Variants in STRBP observed in about 807,000 individuals in gnomAD.
STRBP encodes spermatid perinuclear RNA binding protein, also known as spermatid perinuclear RNA-binding protein.
A neutral mutation model predicts 80.1 loss-of-function variants in STRBP; 13 were observed. That is an observed-to-expected ratio of 0.16 (90% confidence interval 0.11 to 0.26). STRBP has a LOEUF of 0.26. STRBP is among the 10% of genes least tolerant of loss of function. The pLI is 1.00. For synonymous variants in STRBP, 284 were observed against 291.2 expected, an observed-to-expected ratio of 0.98 and a Z score of 0.25; for missense variants, 485 against 815.2, an observed-to-expected ratio of 0.59 and a Z score of 4.93.
chr9:123,237,221 T>C (rs2040587852), intron 1 of STRBP, among the ~76,000 whole-genome samples: 1 of 152,220 alleles, frequency 6.6e-6, no homozygotes, highest in South Asian at 2.1e-4. Flanking sequence ...ACATTCCTAC[T>C]GAAATCTACA....
rs750068288 is a variant in STRBP at position 123,158,045 on chromosome 9, GA to G, written c.1011del (p.Gln338ArgfsTer18). On this transcript the variant is annotated frameshift_variant, in exon 11 of 19. Transcript: ENST00000348403. LOFTEE classifies it high-confidence loss of function. Reference sequence around the variant, plus strand: ...TCAGTAACTGACCAGGAATACTTCTGAAAAGGCTTACTAGATGGAAGGGGGT... The same window carrying G: ...TCAGTAACTGACCAGGAATACTTCTGAAAGGCTTACTAGATGGAAGGGGGT... ...EMDPLPSSKP[F>X]QKYSWSVTDK... 1 of 1,609,944 alleles carries G rather than the reference GA, an allele frequency of 6.2e-7. No homozygotes were observed. Among genetic ancestry groups the G allele is most frequent in the Non-Finnish European group, 8.5e-7 (1 of 1,178,746 alleles).
At chr9:123,140,366 G>A (rs1369604944) in intron 13 of STRBP, among the ~76,000 whole-genome samples, 3 of 152,164 alleles carry the variant, frequency 2.0e-5, no homozygotes, top group South Asian at 2.1e-4. Flanking sequence ...AAGCCAAGGC[G>A]GGTGGATCAT....
At position 123,173,703 on chromosome 9, in the gene STRBP, T is replaced by C. The variant is rs548084414; in HGVS notation, c.364A>G (p.Lys122Glu). 1.2e-6 allele frequency: 2 copies of C among 1,613,108 alleles called. No homozygotes were observed. Among genetic ancestry groups the C allele is most frequent in the Non-Finnish European group, 1.7e-6 (2 of 1,179,696 alleles). Reference protein sequence around the residue: ...KPTETLLNTVKDNLPIQIQKL... With the variant: ...KPTETLLNTVEDNLPIQIQKL... ...TGAATCTGAATAGGAAGATTATCTT[T>C]GACTGTATTTAACAGGGTCTCTGTG... The change falls in exon 5 of 19, where the codon AAA becomes GAA. Residue 122 changes from lysine to glutamate, a missense_variant. Lys to Glu is a moderately conservative substitution (Grantham distance 56). Transcript: ENST00000348403.
chr9:123,113,567 C>G (rs150178956), intron 3 of STRBP: 1 of 167,388 alleles, frequency 6.0e-6, no homozygotes, highest in South Asian at 2.1e-4. Flanking sequence ...TTCCAATGTC[C>G]CACGTGTCAC....
At chr9:123,179,275 C>A in intron 3 of STRBP, 48 bp from the exon 4 acceptor site, 1 of 1,502,338 alleles carries the variant, frequency 6.7e-7, no homozygotes, top group South Asian at 1.2e-5. Flanking sequence ...AGAAACATCA[C>A]CTGAAAAAGA....
intron 2 of STRBP, among the ~76,000 whole-genome samples, chr9:123,200,986 T>G (rs1351125842): frequency 6.6e-6 from 1 of 151,998 alleles, no homozygotes. Flanking sequence ...TCCAGGAATT[T>G]GACCATTTCC....
chr9:123,133,948 CTT>C (rs773543673), intron 16 of STRBP, among the ~76,000 whole-genome samples: 2 of 152,130 alleles, frequency 1.3e-5, no homozygotes, highest in East Asian at 1.9e-4. Flanking sequence ...ATGATACCCA[CTT>C]TGTTTTCCTT....
intron 13 of STRBP, among the ~76,000 whole-genome samples, chr9:123,146,629 A>C (rs1239906834): frequency 6.6e-6 from 1 of 150,942 alleles, no homozygotes; most frequent in East Asian, 1.9e-4. Flanking sequence ...TTCAATTGAC[A>C]TATTTTAATT....
intron 2 of STRBP, among the ~76,000 whole-genome samples, chr9:123,216,747 G>C (rs2039911161): frequency 6.6e-6 from 1 of 152,120 alleles, no homozygotes; most frequent in African/African-American, 2.4e-5. Flanking sequence ...TGATTACCTT[G>C]GCAAGTGAGC....
chr9:123,243,265 C>CAAAAAAAAAAAAAAAAAAAAAAAAAAAA (rs1160280485), intron 1 of STRBP, among the ~76,000 whole-genome samples: 3 of 78,952 alleles, frequency 3.8e-5, no homozygotes, highest in African/African-American at 7.5e-5. Flanking sequence ...ATCAATAAGA[C>CAAAAAAAAAAAAAAAAAAAAAAAAAAAA]AAAAAAAAAA....
In STRBP at chr9:123,139,565, A is replaced by G; in HGVS notation, c.1461T>C (p.Thr487=). 1 of 1,612,086 alleles carries G rather than the reference A, an allele frequency of 6.2e-7. No homozygotes were observed. The highest frequency in any genetic ancestry group is 8.5e-7 in the Non-Finnish European group (1 of 1,179,508). Residue 487 remains threonine (T), a synonymous_variant, in exon 14 of 19, where the codon ACT becomes ACC. Transcript: ENST00000348403. ...ETVSSNSSNN[T]GNSTTETSST... ...TGGAGGTTTCAGTTGTAGAATTTCC[A>G]GTATTATTGCTTGAGTTTGAAGACA...
At chr9:123,194,774 T>C (rs992226128) in intron 2 of STRBP, among the ~76,000 whole-genome samples, 5 of 151,766 alleles carry the variant, frequency 3.3e-5, no homozygotes, top group African/African-American at 7.3e-5. Context: ...GTTGACACAG[T>C]TGACTGTTCC....
At chr9:123,265,020 T>G (rs2132662971) in intron 1 of STRBP, among the ~76,000 whole-genome samples, 1 of 152,292 alleles carries the variant, frequency 6.6e-6, no homozygotes, top group East Asian at 1.9e-4. Flanking sequence ...CTCCCTATAT[T>G]ATATTGTATA....
intron 13 of STRBP, among the ~76,000 whole-genome samples, chr9:123,140,162 A>C (rs1278408776): frequency 6.6e-6 from 1 of 152,208 alleles, no homozygotes; most frequent in East Asian, 1.9e-4. Context: ...AAGTTATATG[A>C]CTCAATCCAT....
At chr9:123,208,354 C>T (rs1427653342) in intron 2 of STRBP, among the ~76,000 whole-genome samples, 1 of 152,120 alleles carries the variant, frequency 6.6e-6, no homozygotes, top group Non-Finnish European at 1.5e-5. Context: ...GTCCTGTAAC[C>T]TGGCAGAACT....
chr9:123,147,691 A>G, intron 12 of STRBP, 87 bp downstream of exon 12: 1 of 1,140,454 alleles, frequency 8.8e-7, no homozygotes. Flanking sequence ...AAAAAAAAAA[A>G]AAAAAAAACC....
chr9:123,159,879 G>A (rs2037449160), intron 8 of STRBP, among the ~76,000 whole-genome samples: 1 of 152,158 alleles, frequency 6.6e-6, no homozygotes, highest in Non-Finnish European at 1.5e-5. Flanking sequence ...TAAGTGTACT[G>A]TTTGCCTGAC....
Position 123,125,119 on chromosome 9 carries a change from T to TA in STRBP, c.*477dup, listed in dbSNP as rs564682938. On this transcript the variant is annotated 3_prime_UTR_variant, in exon 19 of 19. Transcript: ENST00000348403. Reference sequence around the variant, plus strand: ...GTTAAATGAAAAGTCTCTATTGTATTAAAAAAAATAACTACAGCCCAAATT... The same window carrying TA: ...GTTAAATGAAAAGTCTCTATTGTATTAAAAAAAAATAACTACAGCCCAAATT... 4.7e-5 allele frequency: 46 copies of TA among 985,682 alleles called. No homozygotes were observed. Among genetic ancestry groups the TA allele is most frequent in the African/African-American group, 7.0e-5 (4 of 57,318 alleles). 61.1% of individuals were successfully genotyped at this position (985,682 alleles called of 1,614,324 possible).
intron 1 of STRBP, among the ~76,000 whole-genome samples, chr9:123,255,703 TTC>T (rs1315999020): frequency 6.6e-6 from 1 of 152,246 alleles, no homozygotes; most frequent in African/African-American, 2.4e-5. Flanking sequence ...TGAGTCTTAC[TTC>T]TCTTTCTGGG....
Sources: allele counts gnomAD v4.1 joint callset (sites outside exome capture counted in the v4.1 genomes callset), GRCh38; gene constraint gnomAD v4.1.1; transcripts MANE v1.5; gene names NCBI Gene and HGNC (gene_info 2026-07-23, HGNC 2026-07-21).